The following FREM2 variants were observed in gnomAD, a reference collection of about 807,000 sequenced individuals.
FREM2 encodes the protein FRAS1-related extracellular matrix protein 2.
A neutral mutation model predicts 219.9 loss-of-function variants in FREM2; 119 were observed. The ratio of observed to expected loss-of-function variants is 0.54; its 90% CI spans 0.47 to 0.63. The LOEUF is 0.63. FREM2 is among the 30% of genes least tolerant of loss of function. The pLI, the probability that FREM2 is intolerant of heterozygous loss-of-function variation, is 0.00. For synonymous variants in FREM2, 1,562 were observed against 1,522.8 expected (o/e 1.03, Z -0.60); for missense variants, 4,030 against 3,993.6 (o/e 1.01, Z -0.25).
At chr13:38,781,497 C>T (rs368093831) in intron 4 of FREM2, among the ~76,000 whole-genome samples, 1 of 152,056 alleles carries the variant, frequency 6.6e-6, no homozygotes, top group East Asian at 1.9e-4. Context: ...TCCTCCCCAC[C>T]CCTCAACTAT....
chr13:38,687,335 C>T lies in FREM2; in HGVS notation c.-10C>T. On this transcript the variant is annotated 5_prime_UTR_variant, in exon 1 of 24. Transcript: ENST00000280481. The stretch of plus-strand genomic sequence containing the variant: ...TCAGGCTGACCTGTCCAAGCCCGAA[C>T]ACCGGGACCATGCACTCAGCCGGGA... 1.9e-6 allele frequency: 3 copies of T among 1,594,886 alleles called. No homozygotes were observed. The highest frequency in any genetic ancestry group is 2.6e-6 in the Non-Finnish European group (3 of 1,170,890).
rs1292260419 is a variant in FREM2 at position 38,856,145 on chromosome 13, G to A, written c.6945G>A (p.Gly2315=). 6.2e-7 allele frequency: 1 copy of A among 1,610,612 alleles called. No individual in the cohort carries two copies. Among genetic ancestry groups the A allele is most frequent in the Non-Finnish European group, 8.5e-7 (1 of 1,177,204 alleles). ...PVSEEIEFKE[G]ETQHVVEIEV... is the part of the protein sequence containing the mutation. ...TTGTAGAAATTGAGTTTAAGGAAGGGGAAACCCAGCACGTGGTTGAAATCG... is the reference window on the plus strand; with the variant it reads ...TTGTAGAAATTGAGTTTAAGGAAGGAGAAACCCAGCACGTGGTTGAAATCG... Residue 2315 remains glycine (G), a synonymous_variant, in exon 12 of 24, where the codon GGG becomes GGA. Coordinates refer to ENST00000280481, the MANE Select transcript of FREM2 (RefSeq NM_207361.6).
At chr13:38,768,776 G>C (rs1873541089) in intron 3 of FREM2, among the ~76,000 whole-genome samples, 1 of 152,096 alleles carries the variant, frequency 6.6e-6, no homozygotes, top group Non-Finnish European at 1.5e-5. Context: ...ACTGCTTTTG[G>C]ATAATGTACC....
chr13:38,855,992 A>G, intron 11 of FREM2, 134 bp from the exon 12 acceptor site: 1 of 614,442 alleles, frequency 1.6e-6, no homozygotes, highest in Non-Finnish European at 2.9e-6. Flanking sequence ...TTACACACAC[A>G]CCCAAATATA....
At chr13:38,725,492 G>T (rs73459877) in intron 2 of FREM2, among the ~76,000 whole-genome samples, 6 of 152,166 alleles carry the variant, frequency 3.9e-5, no homozygotes, top group Admixed American at 6.5e-5. Context: ...GCTGAGCCCT[G>T]ATGAGTGAAA....
chr13:38,796,185 G>A (rs1239599412), intron 6 of FREM2, among the ~76,000 whole-genome samples: 1 of 152,068 alleles, frequency 6.6e-6, no homozygotes, highest in Non-Finnish European at 1.5e-5. Context: ...ACCAGAACTT[G>A]AGCCATCACT....
At chr13:38,844,526 A>C (rs1270122512) in intron 6 of FREM2, among the ~76,000 whole-genome samples, 6 of 152,188 alleles carry the variant, frequency 3.9e-5, no homozygotes, top group Admixed American at 3.9e-4. Flanking sequence ...CATGCAACAC[A>C]CCATTTGGTC....
At chr13:38,833,852 C>T (rs1876603581) in intron 6 of FREM2, among the ~76,000 whole-genome samples, 1 of 152,032 alleles carries the variant, frequency 6.6e-6, no homozygotes, top group Admixed American at 6.6e-5. Flanking sequence ...AACTAGAGAC[C>T]AGTAGGACCA....
chr13:38,787,878 A>AGAGGAGGAACAAAGGAGGTGGCAC (rs1874396391), intron 6 of FREM2, among the ~76,000 whole-genome samples: 1 of 152,040 alleles, frequency 6.6e-6, no homozygotes, highest in Admixed American at 6.6e-5. Context: ...AAGAAAGAAA[A>AGAGGAGGAACAAAGGAGGTGGCAC]GAGGAGGAAC....
intron 2 of FREM2, among the ~76,000 whole-genome samples, chr13:38,710,059 C>T (rs1870709813): frequency 6.6e-6 from 1 of 151,220 alleles, no homozygotes; most frequent in South Asian, 2.1e-4. Flanking sequence ...CGTGATGGCA[C>T]ATACCTGTGT....
chr13:38,735,931 C>T (rs985113107), intron 2 of FREM2, among the ~76,000 whole-genome samples: 11 of 152,122 alleles, frequency 7.2e-5, no homozygotes, highest in Non-Finnish European at 1.0e-4. Flanking sequence ...AGGTGCTGTT[C>T]GTGTAAAATC....
chr13:38,853,052 G>A (rs1347746237), intron 11 of FREM2, among the ~76,000 whole-genome samples: 1 of 151,976 alleles, frequency 6.6e-6, no homozygotes, highest in Admixed American at 6.6e-5. Flanking sequence ...TTCTGGCCGG[G>A]TGCGTTGGCT....
At chr13:38,842,852 C>T (rs950905936) in intron 6 of FREM2, among the ~76,000 whole-genome samples, 20 of 152,258 alleles carry the variant, frequency 1.3e-4, no homozygotes, top group African/African-American at 4.6e-4. Flanking sequence ...ACCTCTTCTA[C>T]GTTTGTAGGA....
At chr13:38,722,369 T>C (rs994665359) in intron 2 of FREM2, among the ~76,000 whole-genome samples, 1 of 151,812 alleles carries the variant, frequency 6.6e-6, no homozygotes, top group Non-Finnish European at 1.5e-5. Flanking sequence ...CCAATATATA[T>C]ATATATATGT....
chr13:38,838,738 C>T (rs1250614550), intron 6 of FREM2, among the ~76,000 whole-genome samples: 2 of 152,046 alleles, frequency 1.3e-5, no homozygotes, highest in Admixed American at 1.3e-4. Context: ...ATCCTTTTTT[C>T]CACTTGATCG....
Position 38,883,384 on chromosome 13 carries a change from A to C in FREM2, c.*2597A>C, listed in dbSNP as rs1247882759. 1 of 152,174 alleles carries C rather than the reference A, an allele frequency of 6.6e-6. No individual in the cohort carries two copies. Among genetic ancestry groups the C allele is most frequent in the African/African-American group, 2.4e-5 (1 of 41,458 alleles). The allele number at this position is 152,174 out of a possible 1,614,324, so 9.4% of individuals were successfully genotyped here. A position where few individuals can be genotyped will look rare whatever the true frequency, so the allele number is the denominator to read the frequency against. ...AACTATTCTGGTACTATCAGAACAA[A>C]TACATAAAATAACTTCCCATAGAGA... On this transcript the variant is annotated 3_prime_UTR_variant, in exon 24 of 24. Coordinates refer to ENST00000280481, the MANE Select transcript of FREM2 (RefSeq NM_207361.6).
intron 6 of FREM2, among the ~76,000 whole-genome samples, chr13:38,788,567 A>G (rs1190212058): frequency 6.6e-6 from 1 of 152,152 alleles, no homozygotes; most frequent in East Asian, 1.9e-4. Flanking sequence ...AGAATTGACA[A>G]TATTGACTTA....
intron 2 of FREM2, among the ~76,000 whole-genome samples, chr13:38,756,850 C>G: frequency 6.6e-6 from 1 of 151,804 alleles, no homozygotes; most frequent in East Asian, 1.9e-4. Context: ...TGGTTGGGGA[C>G]CATTTTTAAA....
At chr13:38,752,835 C>A (rs1348420884) in intron 2 of FREM2, among the ~76,000 whole-genome samples, 2 of 152,124 alleles carry the variant, frequency 1.3e-5, no homozygotes, top group African/African-American at 4.8e-5. Flanking sequence ...TGGTGCTAAA[C>A]CGGTTACTCA....
Sources: allele counts gnomAD v4.1 joint callset (sites outside exome capture counted in the v4.1 genomes callset), GRCh38; gene constraint gnomAD v4.1.1; transcripts MANE v1.5; gene names NCBI Gene and HGNC (gene_info 2026-07-23, HGNC 2026-07-21).